The following RGS17 variants were observed in gnomAD, a reference collection of about 807,000 sequenced individuals.
The protein encoded by RGS17 is regulator of G protein signaling 17, also known as regulator of G-protein signaling 17.
Under a neutral mutation model 25.5 loss-of-function variants are expected in RGS17, and 12 were observed. The ratio of observed to expected loss-of-function variants is 0.47; its 90% CI spans 0.30 to 0.76. The LOEUF (loss-of-function observed/expected upper bound fraction) is 0.76. RGS17 is among the 30% of genes least tolerant of loss of function. RGS17 has a pLI of 0.07. For missense variants in RGS17, 196 were observed against 242.2 expected (o/e 0.81, Z 1.27); for synonymous variants, 71 against 76.9 (o/e 0.92, Z 0.40).
intron 1 of RGS17, among the ~76,000 whole-genome samples, chr6:153,066,568 C>T (rs193107617): frequency 6.6e-6 from 1 of 152,252 alleles, no homozygotes; most frequent in East Asian, 1.9e-4. Flanking sequence ...GTCAATATAT[C>T]TGATGACTAT....
chr6:153,026,213 T>C (rs778269804), intron 3 of RGS17, among the ~76,000 whole-genome samples: 1 of 151,960 alleles, frequency 6.6e-6, no homozygotes, highest in Non-Finnish European at 1.5e-5. Context: ...ACAATCTTTA[T>C]TTTTTTTAAA....
At chr6:153,110,540 C>T (rs1777454730) in intron 1 of RGS17, among the ~76,000 whole-genome samples, 1 of 151,976 alleles carries the variant, frequency 6.6e-6, no homozygotes, top group Admixed American at 6.6e-5. Context: ...AGAAAGAACC[C>T]TGCGACATTA....
At chr6:153,039,891 A>C (rs1359387464) in intron 2 of RGS17, among the ~76,000 whole-genome samples, 1 of 152,216 alleles carries the variant, frequency 6.6e-6, no homozygotes, top group Non-Finnish European at 1.5e-5. Context: ...AGGAGCCTTC[A>C]GTATCTTTCA....
intron 4 of RGS17, among the ~76,000 whole-genome samples, chr6:153,022,105 G>A (rs1562313517): frequency 1.3e-5 from 2 of 152,112 alleles, no homozygotes; most frequent in African/African-American, 2.4e-5. Flanking sequence ...CTACTTGGGC[G>A]GCTGAGGCAG....
intron 1 of RGS17, among the ~76,000 whole-genome samples, chr6:153,115,470 A>G (rs1777530681): frequency 6.6e-6 from 1 of 152,232 alleles, no homozygotes; most frequent in Admixed American, 6.5e-5. Context: ...GGATAGGAAA[A>G]ATCAATATCG....
chr6:153,123,995 G>A (rs758001557), intron 1 of RGS17, among the ~76,000 whole-genome samples: 1 of 152,210 alleles, frequency 6.6e-6, no homozygotes, highest in Admixed American at 6.5e-5. Context: ...GGTGGAGGTT[G>A]TTAAATCATC....
In RGS17 at chr6:153,005,594, G is replaced by A. The variant is rs1430030652; in HGVS notation, c.*5980C>T. ...AGTCCCGGTGATGGCATATACCTTTGATACCATGTGATGAGCATGGCACTT... is the reference window on the plus strand; with the variant it reads ...AGTCCCGGTGATGGCATATACCTTTAATACCATGTGATGAGCATGGCACTT... On this transcript the variant is annotated 3_prime_UTR_variant, in exon 5 of 5. Coordinates refer to ENST00000206262, the MANE Select transcript of RGS17 (RefSeq NM_012419.5). 6.6e-6 allele frequency: 1 copy of A among 152,170 alleles called. No individual in the cohort carries two copies. The highest frequency in any genetic ancestry group is 2.4e-5 in the African/African-American group (1 of 41,426). The allele number at this position is 152,170 out of a possible 1,614,324, so 9.4% of individuals were successfully genotyped here. A position where few individuals can be genotyped will look rare whatever the true frequency, so the allele number is the denominator to read the frequency against.
chr6:153,011,951 A>C (rs367796495), intron 4 of RGS17, among the ~76,000 whole-genome samples, 189 bp from the exon 5 acceptor site: 1 of 114,894 alleles, frequency 8.7e-6, no homozygotes, highest in Admixed American at 9.1e-5. Context: ...ACTAAATAAA[A>C]AAATCCAATT....
intron 1 of RGS17, among the ~76,000 whole-genome samples, chr6:153,115,409 C>T (rs1037234166): frequency 1.3e-5 from 2 of 152,190 alleles, no homozygotes; most frequent in Non-Finnish European, 2.9e-5. Flanking sequence ...CTACAAACCA[C>T]TGCTCAAGGA....
intron 1 of RGS17, among the ~76,000 whole-genome samples, chr6:153,049,992 C>T (rs1776440657): frequency 1.3e-5 from 2 of 152,118 alleles, no homozygotes; most frequent in Non-Finnish European, 2.9e-5. Context: ...AGCTGAGTAA[C>T]CTTCAGGCAT....
At chr6:153,070,681 G>T (rs886623705) in intron 1 of RGS17, among the ~76,000 whole-genome samples, 1 of 114,542 alleles carries the variant, frequency 8.7e-6, no homozygotes, top group Non-Finnish European at 2.0e-5. Context: ...GATTGTGTGT[G>T]TGTGTGTGTG....
chr6:153,052,517 C>T (rs775948192), intron 1 of RGS17, among the ~76,000 whole-genome samples: 1 of 151,768 alleles, frequency 6.6e-6, no homozygotes, highest in Admixed American at 6.6e-5. Context: ...TAGCAAAAAT[C>T]GCAATTACTT....
intron 1 of RGS17, among the ~76,000 whole-genome samples, chr6:153,052,243 G>A (rs1475771952): frequency 1.9e-5 from 2 of 105,676 alleles, no homozygotes; most frequent in African/African-American, 4.1e-5. Context: ...CAACTCTACT[G>A]GGTCTGGAAA....
At chr6:153,051,287 T>C (rs1207183350) in intron 1 of RGS17, among the ~76,000 whole-genome samples, 1 of 152,190 alleles carries the variant, frequency 6.6e-6, no homozygotes, top group African/African-American at 2.4e-5. Context: ...GAAGCCAAGA[T>C]TGTCATGAAG....
chr6:153,094,804 CT>C (rs1777184703), intron 1 of RGS17, among the ~76,000 whole-genome samples: 2 of 152,088 alleles, frequency 1.3e-5, no homozygotes, highest in Non-Finnish European at 2.9e-5. Flanking sequence ...TCATGGAGGG[CT>C]TTTATACCTT....
At chr6:153,107,434 C>T (rs1777402250) in intron 1 of RGS17, among the ~76,000 whole-genome samples, 1 of 152,142 alleles carries the variant, frequency 6.6e-6, no homozygotes, top group Non-Finnish European at 1.5e-5. Context: ...AAGTTTAATA[C>T]AAATTTAACA....
chr6:153,092,309 G>A (rs946546288), intron 1 of RGS17, among the ~76,000 whole-genome samples: 2 of 152,146 alleles, frequency 1.3e-5, no homozygotes, highest in South Asian at 2.1e-4. Flanking sequence ...TTAACTATAC[G>A]ATTTTGAAGG....
intron 2 of RGS17, among the ~76,000 whole-genome samples, chr6:153,027,907 T>A (rs1779320205): frequency 6.6e-6 from 1 of 152,222 alleles, no homozygotes; most frequent in South Asian, 2.1e-4. Flanking sequence ...AAGCAGTTAT[T>A]CTCAATCTGG....
chr6:153,099,694 G>A (rs943182412), intron 1 of RGS17, among the ~76,000 whole-genome samples: 1 of 152,108 alleles, frequency 6.6e-6, no homozygotes, highest in Non-Finnish European at 1.5e-5. Flanking sequence ...ATTTGTTTCT[G>A]GTTGCACCAT....
Sources: allele counts gnomAD v4.1 joint callset (sites outside exome capture counted in the v4.1 genomes callset), GRCh38; gene constraint gnomAD v4.1.1; transcripts MANE v1.5; gene names NCBI Gene and HGNC (gene_info 2026-07-23, HGNC 2026-07-21).